Variants in ERI1 observed in about 807,000 individuals in gnomAD.
The protein encoded by ERI1 is exoribonuclease 1, also known as 3'-5' exoribonuclease 1.
A neutral mutation model predicts 39.7 loss-of-function variants in ERI1; 39 were observed. The ratio of observed to expected loss-of-function variants is 0.98; its 90% CI spans 0.76 to 1.28. ERI1 has a LOEUF of 1.28. Among genes scored for constraint, ERI1 ranks in the 50% most tolerant of loss-of-function variants. The pLI is 0.00. For synonymous variants in ERI1, 204 were observed against 149.6 expected, an observed-to-expected ratio of 1.36 and a Z score of -2.65; for missense variants, 581 against 416.9, an observed-to-expected ratio of 1.39 and a Z score of -3.43.
chr8:9,019,955 C>T (rs1415734656), intron 5 of ERI1, among the ~76,000 whole-genome samples: 3 of 152,064 alleles, frequency 2.0e-5, no homozygotes, highest in Non-Finnish European at 4.4e-5. Context: ...GTATTTTAAC[C>T]ATTTGATACC....
chr8:9,018,660 T>G (rs1315726880), intron 5 of ERI1, among the ~76,000 whole-genome samples: 1 of 152,190 alleles, frequency 6.6e-6, no homozygotes, highest in Non-Finnish European at 1.5e-5. Flanking sequence ...AAAACTCTGT[T>G]TTTTCATGAC....
At chr8:9,033,832 AG>A (rs1257384016), downstream of ERI1, among the ~76,000 whole-genome samples, 2 of 149,808 alleles carry the variant, frequency 1.3e-5, no homozygotes, top group South Asian at 4.2e-4. Context: ...AGGAACAGGT[AG>A]GTTGTCCTAG....
chr8:9,060,889 T>A (rs984323105), intron 3 of ERI1, among the ~76,000 whole-genome samples: 1 of 152,248 alleles, frequency 6.6e-6, no homozygotes, highest in East Asian at 1.9e-4. Flanking sequence ...AAAGCGGCCT[T>A]AAGCAGAGTT....
At chr8:9,008,857 C>G (rs912538205) in intron 2 of ERI1, among the ~76,000 whole-genome samples, 25 of 152,100 alleles carry the variant, frequency 1.6e-4, no homozygotes, top group African/African-American at 6.0e-4. Flanking sequence ...TAGGTAAAAA[C>G]TCTTCCTTTT....
chr8:9,059,159 T>C (rs1798608453), intron 3 of ERI1, among the ~76,000 whole-genome samples: 1 of 151,962 alleles, frequency 6.6e-6, no homozygotes, highest in Non-Finnish European at 1.5e-5. Flanking sequence ...GAGAAGGAAT[T>C]TCACAAGACA....
chr8:9,017,639 C>T (rs1476171246), intron 4 of ERI1, among the ~76,000 whole-genome samples: 1 of 152,096 alleles, frequency 6.6e-6, no homozygotes, highest in Non-Finnish European at 1.5e-5. Flanking sequence ...TGAACTTGGG[C>T]TGAGTCATGA....
intron 3 of ERI1, among the ~76,000 whole-genome samples, chr8:9,055,712 T>G (rs1798484902): frequency 6.6e-6 from 1 of 152,218 alleles, no homozygotes; most frequent in Non-Finnish European, 1.5e-5. Flanking sequence ...GCTAATTTTT[T>G]GTATTTTTAG....
chr8:9,092,183 C>T (rs989633668), intron 3 of ERI1, among the ~76,000 whole-genome samples: 3 of 152,198 alleles, frequency 2.0e-5, no homozygotes, highest in African/African-American at 7.2e-5. Flanking sequence ...TCTCAAACTC[C>T]TGGGCTCAAA....
downstream of ERI1, among the ~76,000 whole-genome samples, chr8:9,037,909 A>T (rs1797903269): frequency 6.8e-6 from 1 of 147,742 alleles, no homozygotes; most frequent in South Asian, 2.1e-4. Context: ...AAAAAAAAAA[A>T]TCTGCTCCAA....
chr8:9,011,739 A>G lies in ERI1; in HGVS notation c.485A>G (p.His162Arg), dbSNP rs762870541. The G allele has an allele frequency of 5.6e-6, 9 of 1,601,194 alleles. No homozygotes were observed. The highest frequency in any genetic ancestry group is 6.8e-6 in the Non-Finnish European group (8 of 1,172,008). The change falls in exon 3 of 7, where the codon CAT (histidine) becomes CGT (arginine). Residue 162 changes from histidine to arginine, a missense_variant. Physicochemically the swap from His to Arg is conservative, Grantham distance 29. Coordinates refer to ENST00000250263, the MANE Select transcript of ERI1 (RefSeq NM_153332.4). The stretch of plus-strand genomic sequence containing the variant: ...TTTCCGGTTGTTTTACTGAATACGC[A>G]TACTTTAGAAATAGTAAGTGAATTT... ...IEFPVVLLNT[H>R]TLEIEDTFQQ...
chr8:9,047,682 G>A (rs549264565), intron 3 of ERI1, among the ~76,000 whole-genome samples: 88 of 152,046 alleles, frequency 5.8e-4, no homozygotes, highest in African/African-American at 1.7e-3. Flanking sequence ...CTGGGCAACA[G>A]AGAGAGACCC....
intron 3 of ERI1, among the ~76,000 whole-genome samples, chr8:9,069,363 G>A (rs1208945680): frequency 1.3e-5 from 2 of 152,192 alleles, no homozygotes; most frequent in East Asian, 3.8e-4. Context: ...TTGTTGCAAT[G>A]TATTTTAGAA....
intron 3 of ERI1, among the ~76,000 whole-genome samples, chr8:9,076,087 C>T (rs2117439360): frequency 6.6e-6 from 1 of 152,236 alleles, no homozygotes; most frequent in South Asian, 2.1e-4. Flanking sequence ...TGAGTGTATT[C>T]CTCCATGCCC....
chr8:9,027,286 G>T (rs1375968135), intron 6 of ERI1, among the ~76,000 whole-genome samples: 1 of 151,910 alleles, frequency 6.6e-6, no homozygotes, highest in East Asian at 1.9e-4. Context: ...TTTAGCCATT[G>T]GCATATCATG....
chr8:9,011,486 T>A, intron 2 of ERI1, 56 bp from the exon 3 acceptor site: 1 of 1,254,204 alleles, frequency 8.0e-7, no homozygotes, highest in Non-Finnish European at 1.1e-6. Flanking sequence ...GGTGAGAGTT[T>A]TGATTCTTGA....
chr8:9,011,105 C>A (rs978099524), intron 2 of ERI1, among the ~76,000 whole-genome samples: 4 of 151,982 alleles, frequency 2.6e-5, no homozygotes, highest in African/African-American at 9.7e-5. Context: ...AGAGATAATA[C>A]GATATTTTCA....
intron 3 of ERI1, among the ~76,000 whole-genome samples, chr8:9,092,222 G>A (rs1046037590): frequency 2.0e-5 from 3 of 152,166 alleles, no homozygotes; most frequent in African/African-American, 4.8e-5. Flanking sequence ...TTCTCAAAGC[G>A]CTGAGATTAC....
chr8:9,087,142 C>T (rs1316007376), intron 3 of ERI1, among the ~76,000 whole-genome samples: 1 of 152,036 alleles, frequency 6.6e-6, no homozygotes, highest in Non-Finnish European at 1.5e-5. Context: ...ACCAACCCAT[C>T]ATCTAGGTTT....
chr8:9,029,806 A>T lies in ERI1; in HGVS notation c.822A>T (p.Gln274His). The T allele has an allele frequency of 1.9e-6, 3 of 1,614,234 alleles. No individual in the cohort carries two copies. The highest frequency in any genetic ancestry group is 2.2e-5 in the East Asian group (1 of 44,884). ...YGNFYKVPRS[Q>H]TKLTIMLEKL... is the part of the protein sequence containing the mutation. ...TTATTTTTCAGGTTCCTAGAAGCCA[A>T]ACCAAACTGACAATAATGCTTGAAA... Residue 274 changes from glutamine to histidine, a missense_variant, in exon 7 of 7, where the codon CAA (glutamine) becomes CAT (histidine). Coordinates refer to ENST00000250263, the MANE Select transcript of ERI1 (RefSeq NM_153332.4).
Sources: allele counts gnomAD v4.1 joint callset (sites outside exome capture counted in the v4.1 genomes callset), GRCh38; gene constraint gnomAD v4.1.1; transcripts MANE v1.5; gene names NCBI Gene and HGNC (gene_info 2026-07-23, HGNC 2026-07-21).